The following ERICH3 variants were observed in gnomAD, a reference collection of about 807,000 sequenced individuals.
ERICH3 encodes the protein glutamate rich 3.
Under a neutral mutation model 131.1 loss-of-function variants are expected in ERICH3, and 126 were observed. The ratio of observed to expected loss-of-function variants is 0.96; its 90% CI spans 0.83 to 1.11. ERICH3 has a LOEUF of 1.11. Ranked by LOEUF, ERICH3 falls within the 50% of genes most tolerant of loss-of-function variation. The pLI, the probability that ERICH3 is intolerant of heterozygous loss-of-function variation, is 0.00. For missense variants in ERICH3, 2,050 were observed against 1,810.7 expected (o/e 1.13, Z -2.40); for synonymous variants, 695 against 644.6 (o/e 1.08, Z -1.18).
intron 1 of ERICH3, among the ~76,000 whole-genome samples, chr1:74,657,187 C>T (rs1646592995): frequency 6.6e-6 from 1 of 152,178 alleles, no homozygotes; most frequent in Non-Finnish European, 1.5e-5. Context: ...GCATTCTCCA[C>T]ATGAGTGATC....
At chr1:74,595,477 A>T (rs1453672477) in intron 11 of ERICH3, among the ~76,000 whole-genome samples, 3 of 152,098 alleles carry the variant, frequency 2.0e-5, no homozygotes, top group Non-Finnish European at 2.9e-5. Context: ...GTAAATGCAG[A>T]TATAGCAGGA....
intron 1 of ERICH3, among the ~76,000 whole-genome samples, chr1:74,654,726 T>C (rs1232838664): frequency 6.6e-6 from 1 of 152,084 alleles, no homozygotes; most frequent in Non-Finnish European, 1.5e-5. Flanking sequence ...AACATATGAA[T>C]TTTGGGGAGA....
At chr1:74,583,359 C>A (rs1647213205) in intron 12 of ERICH3, among the ~76,000 whole-genome samples, 1 of 151,946 alleles carries the variant, frequency 6.6e-6, no homozygotes, top group Admixed American at 6.6e-5. Context: ...CTATACATGC[C>A]TCCTTATAAT....
intron 5 of ERICH3, among the ~76,000 whole-genome samples, chr1:74,640,662 A>G (rs1320487828): frequency 6.6e-6 from 1 of 152,186 alleles, no homozygotes; most frequent in Non-Finnish European, 1.5e-5. Flanking sequence ...CCTTCCCTCA[A>G]GCAAACACCA....
At chr1:74,576,422 T>C (rs1414129291) in intron 13 of ERICH3, among the ~76,000 whole-genome samples, 1 of 152,184 alleles carries the variant, frequency 6.6e-6, no homozygotes, top group African/African-American at 2.4e-5. Flanking sequence ...GTGCCTCTCC[T>C]GTAAGTCAGC....
chr1:74,615,623 G>A (rs901958588), intron 8 of ERICH3, among the ~76,000 whole-genome samples: 3 of 152,038 alleles, frequency 2.0e-5, no homozygotes, highest in Admixed American at 6.5e-5. Context: ...TCTGGATTGC[G>A]GTCACCAAAT....
chr1:74,609,124 A>G (rs1448840917), intron 9 of ERICH3, among the ~76,000 whole-genome samples: 1 of 152,066 alleles, frequency 6.6e-6, no homozygotes, highest in Non-Finnish European at 1.5e-5. Context: ...ATGGTTAGGC[A>G]ATTCTTCCCA....
In ERICH3 at chr1:74,641,411, G is replaced by A. The variant is rs1394676449; in HGVS notation, c.364C>T (p.Pro122Ser). 1 of 1,611,752 alleles carries A rather than the reference G, an allele frequency of 6.2e-7. No individual in the cohort carries two copies. The highest frequency in any genetic ancestry group is 1.7e-5 in the Admixed American group (1 of 59,448). The change falls in exon 5 of 15, where the codon CCC becomes TCC. Residue 122 changes from proline (P) to serine (S), a missense_variant. By Grantham distance (74) the Pro-to-Ser change is moderately conservative. Coordinates refer to ENST00000326665, the MANE Select transcript of ERICH3 (RefSeq NM_001002912.5). ...SVENNMPILS[P>S]HPPVGPKSNR... is the part of the protein sequence containing the mutation. The stretch of plus-strand genomic sequence containing the variant: ...CTCTTTGGGCCAACTGGTGGGTGGG[G>A]AGACAGGATTGGCATGTTATTTTCA...
intron 6 of ERICH3, 35 bp from the exon 7 acceptor site, chr1:74,631,963 A>C: frequency 1.3e-6 from 2 of 1,573,770 alleles, no homozygotes; most frequent in Non-Finnish European, 1.7e-6. Context: ...GAACCAGTGA[A>C]ACAGAATCAG....
At chr1:74,620,057 TTACTTTTTGGAC>T (rs1248270417) in intron 8 of ERICH3, among the ~76,000 whole-genome samples, 1 of 152,212 alleles carries the variant, frequency 6.6e-6, no homozygotes, top group Non-Finnish European at 1.5e-5. Flanking sequence ...AAAAATGCTA[TTACTTTTTGGAC>T]CCAGTTTCTT....
intron 1 of ERICH3, among the ~76,000 whole-genome samples, chr1:74,658,657 C>T (rs983680469): frequency 2.6e-5 from 4 of 152,124 alleles, no homozygotes; most frequent in African/African-American, 9.6e-5. Flanking sequence ...CATTTTTTTC[C>T]ACTAAAGGTT....
At chr1:74,646,848 G>T in intron 2 of ERICH3, 56 bp from the exon 3 acceptor site, 2 of 1,004,478 alleles carry the variant, frequency 2.0e-6, no homozygotes, top group Non-Finnish European at 2.7e-6. Flanking sequence ...TGTGGTGTTA[G>T]TTTCCAAAAA....
chr1:74,604,126 A>G (rs1648275787), intron 10 of ERICH3, among the ~76,000 whole-genome samples: 1 of 151,916 alleles, frequency 6.6e-6, no homozygotes, highest in Non-Finnish European at 1.5e-5. Context: ...TGTCATTTCA[A>G]CAATGTTCAT....
intron 1 of ERICH3, among the ~76,000 whole-genome samples, chr1:74,664,716 T>C (rs1415852327): frequency 6.6e-6 from 1 of 152,196 alleles, no homozygotes; most frequent in Non-Finnish European, 1.5e-5. Flanking sequence ...ATGACTATTA[T>C]AGAAAAATAA....
intron 7 of ERICH3, 41 bp from the exon 8 acceptor site, chr1:74,620,955 T>C: frequency 7.0e-7 from 1 of 1,429,466 alleles, no homozygotes; most frequent in Non-Finnish European, 9.4e-7. Flanking sequence ...ACGAATTACT[T>C]TCTAATGAGA....
rs180918998 is a variant in ERICH3 at position 74,618,718 on chromosome 1, C to T, written c.1000+2016G>A. On this transcript the variant is annotated intron_variant, in intron 8 of 14. Coordinates refer to ENST00000326665, the MANE Select transcript of ERICH3 (RefSeq NM_001002912.5). ...TGAAGTCTAAAATCAAATTGCAAGA[C>T]ATCATGAATTACCTGGGAATAAAGG... is the stretch of plus-strand genomic sequence containing the variant. Among the ~76,000 whole-genome samples the T allele has an allele frequency of 1.1e-4, 17 of 152,246 alleles. No individual in the cohort carries two copies. The East Asian group carries it at 1.5e-3, about 14-fold the overall frequency.
At chr1:74,650,834 C>CTG (rs5775252) in intron 1 of ERICH3, among the ~76,000 whole-genome samples, 5,786 of 146,058 alleles carry the variant, frequency 0.04, 138 homozygotes, top group African/African-American at 0.049. Flanking sequence ...GAGGGGACTA[C>CTG]TGTGTGTGTG....
In ERICH3 at chr1:74,646,785, C is replaced by T. The variant is rs370760033; in HGVS notation, c.125G>A (p.Arg42Lys). The T allele has an allele frequency of 1.4e-6, 2 of 1,466,874 alleles. No homozygotes were observed. Among genetic ancestry groups the T allele is most frequent in the Middle Eastern group, 2.2e-4 (1 of 4,536 alleles). The allele number at this position is 1,466,874 out of a possible 1,614,324, so 90.9% of individuals were successfully genotyped here. A position where few individuals can be genotyped will look rare whatever the true frequency, so the allele number is the denominator to read the frequency against. ...TTTTTCAGAAAGTATTCTTCCACTT[C>T]TTGTGATCTGTCATGAATAAATAAA... ...RHLLRSGLIT[R>K]SGRILSEKEY... Residue 42 changes from arginine (R) to lysine (K), a missense_variant, in exon 3 of 15, where the codon AGA becomes AAA. By Grantham distance (26) the Arg-to-Lys change is conservative. Coordinates refer to ENST00000326665, the MANE Select transcript of ERICH3 (RefSeq NM_001002912.5).
chr1:74,664,768 A>G (rs971655537), intron 1 of ERICH3, among the ~76,000 whole-genome samples: 1 of 152,140 alleles, frequency 6.6e-6, no homozygotes, highest in Non-Finnish European at 1.5e-5. Context: ...AAAATGTTGA[A>G]TTTTCTGTTC....
Sources: gnomAD v4.1 joint callset for allele counts (sites outside exome capture counted in the v4.1 genomes callset) on GRCh38, gnomAD v4.1.1 for gene constraint, MANE v1.5 for transcripts, NCBI Gene and HGNC (gene_info 2026-07-23, HGNC 2026-07-21) for gene names.